Variants in SLC1A2 observed in about 807,000 individuals in gnomAD.
SLC1A2 encodes excitatory amino acid transporter 2.
In SLC1A2, 15 loss-of-function variants were observed where a neutral mutation model predicts 48.8. That is an observed-to-expected ratio of 0.31 (90% CI 0.21 to 0.47). The LOEUF (loss-of-function observed/expected upper bound fraction) is 0.47. Ranked by LOEUF, SLC1A2 falls within the 20% of genes least tolerant of loss-of-function variation. The pLI is 0.99. For synonymous variants in SLC1A2, 279 were observed against 272.6 expected (o/e 1.02, Z -0.23); for missense variants, 502 against 730.5 (o/e 0.69, Z 3.61).
At chr11:35,360,686 T>G (rs1853647790) in intron 1 of SLC1A2, among the ~76,000 whole-genome samples, 1 of 152,174 alleles carries the variant, frequency 6.6e-6, no homozygotes, top group Non-Finnish European at 1.5e-5. Flanking sequence ...CTGGATTTTG[T>G]GGAAGGACCT....
At chr11:35,360,090 A>T in intron 1 of SLC1A2, 1 of 985,324 alleles carries the variant, frequency 1.0e-6, no homozygotes, top group Non-Finnish European at 1.2e-6. Context: ...GTAGTGCTGG[A>T]GTGAGCTGTG....
intron 10 of SLC1A2, among the ~76,000 whole-genome samples, chr11:35,261,464 C>G (rs1950393026): frequency 6.6e-6 from 1 of 151,992 alleles, no homozygotes; most frequent in African/African-American, 2.4e-5. Context: ...GCTATCCCAG[C>G]TTTAAAGATT....
At chr11:35,270,088 T>C (rs1850237012) in intron 9 of SLC1A2, among the ~76,000 whole-genome samples, 1 of 152,152 alleles carries the variant, frequency 6.6e-6, no homozygotes, top group African/African-American at 2.4e-5. Context: ...GCCTGGGCCA[T>C]AGAGCAAGAC....
intron 1 of SLC1A2, among the ~76,000 whole-genome samples, chr11:35,405,244 A>T (rs1855251310): frequency 6.6e-6 from 1 of 152,160 alleles, no homozygotes; most frequent in East Asian, 1.9e-4. Flanking sequence ...TGGAAAACAC[A>T]CATACCAACT....
intron 8 of SLC1A2, chr11:35,285,353 C>T (rs996094039): frequency 2.6e-5 from 4 of 152,162 alleles, no homozygotes; most frequent in African/African-American, 9.7e-5. Flanking sequence ...TGGTCATGTT[C>T]AAAGCAATGT....
At chr11:35,297,034 G>GAAA (rs561833127) in intron 6 of SLC1A2, among the ~76,000 whole-genome samples, 1 of 147,714 alleles carries the variant, frequency 6.8e-6, no homozygotes, top group Non-Finnish European at 1.5e-5. Flanking sequence ...TTTATTGAAT[G>GAAA]AAAAAAAAAA....
intron 10 of SLC1A2, among the ~76,000 whole-genome samples, chr11:35,262,602 A>G (rs1027346669): frequency 1.3e-5 from 2 of 152,228 alleles, no homozygotes; most frequent in African/African-American, 2.4e-5. Context: ...GAATAAGTAA[A>G]TGTGACCCAG....
intron 4 of SLC1A2, chr11:35,307,370 G>A (rs1851544943): frequency 6.6e-6 from 1 of 152,208 alleles, no homozygotes; most frequent in South Asian, 2.1e-4. Context: ...CTTTCTCAAT[G>A]TTCCCCAAGT....
At chr11:35,351,969 G>A (rs1052749895) in intron 1 of SLC1A2, among the ~76,000 whole-genome samples, 44 of 152,148 alleles carry the variant, frequency 2.9e-4, no homozygotes, top group African/African-American at 7.9e-4. Flanking sequence ...ACATTGCATC[G>A]AGAAAAAAGT....
At chr11:35,303,685 A>G (rs1273319230) in intron 5 of SLC1A2, among the ~76,000 whole-genome samples, 1 of 152,254 alleles carries the variant, frequency 6.6e-6, no homozygotes, top group East Asian at 1.9e-4. Context: ...ATTCAGTGTC[A>G]GCAGAAACTG....
At chr11:35,362,961 A>C (rs1005027262) in intron 1 of SLC1A2, among the ~76,000 whole-genome samples, 1 of 152,206 alleles carries the variant, frequency 6.6e-6, no homozygotes, top group Non-Finnish European at 1.5e-5. Flanking sequence ...GCTTGTTTGA[A>C]TCTTTCAAAA....
Position 35,260,980 on chromosome 11 carries a change from C to A in SLC1A2, c.1654-15G>T. On this transcript the variant is annotated splice_polypyrimidine_tract_variant and intron_variant, in intron 10 of 10. Coordinates refer to ENST00000278379, the MANE Select transcript of SLC1A2 (RefSeq NM_004171.4). Reference sequence around the variant, plus strand: ...GCCAGAGTTACCTGAAAATAATTATCATCAACATCCAGCTTACAGACCACG... The same window carrying A: ...GCCAGAGTTACCTGAAAATAATTATAATCAACATCCAGCTTACAGACCACG... 1 of 1,604,426 alleles carries A rather than the reference C, an allele frequency of 6.2e-7. No individual in the cohort carries two copies.
Position 35,252,838 on chromosome 11 carries a change from TA to T in SLC1A2, c.*8055del, listed in dbSNP as rs1461267325. 1 of 152,666 alleles carries T rather than the reference TA, an allele frequency of 6.6e-6. No homozygotes were observed. The highest frequency in any genetic ancestry group is 2.4e-5 in the African/African-American group (1 of 41,468). The allele number at this position is 152,666 out of a possible 1,614,324, so 9.5% of individuals were successfully genotyped here. On this transcript the variant is annotated 3_prime_UTR_variant, in exon 11 of 11. Transcript: ENST00000278379. ...CTACATTATAGCTACACAAAGTGCA[TA>T]GGCACTGTTCTTCATGCGTGAACCA...
chr11:35,310,788 A>T (rs1413317044), intron 4 of SLC1A2, among the ~76,000 whole-genome samples: 2 of 152,124 alleles, frequency 1.3e-5, no homozygotes, highest in East Asian at 3.8e-4. Context: ...AATGGGGCCT[A>T]CTCAGCTAAC....
intron 7 of SLC1A2, 198 bp downstream of exon 7, chr11:35,292,089 G>A (rs1399897754): frequency 1.7e-6 from 1 of 571,752 alleles, no homozygotes; most frequent in African/African-American, 1.9e-5. Context: ...TTGCAAACCA[G>A]CAAAAATGTT....
At chr11:35,362,765 C>T (rs1853724404) in intron 1 of SLC1A2, among the ~76,000 whole-genome samples, 5 of 152,174 alleles carry the variant, frequency 3.3e-5, no homozygotes, top group Admixed American at 3.3e-4. Context: ...CCATGGGAAT[C>T]CATGGCAAAT....
At chr11:35,261,576 A>T (rs547160806) in intron 10 of SLC1A2, 1 of 397,964 alleles carries the variant, frequency 2.5e-6, no homozygotes, top group South Asian at 1.4e-4. Context: ...TTACCAGACC[A>T]TCTATATTAT....
At position 35,258,952 on chromosome 11, in the gene SLC1A2, A is replaced by C. The variant is rs1187571694; in HGVS notation, c.*1942T>G. On this transcript the variant is annotated 3_prime_UTR_variant, in exon 11 of 11. Coordinates refer to ENST00000278379, the MANE Select transcript of SLC1A2 (RefSeq NM_004171.4). ...AGAGCAAGACTCTGTCTAAAAAAAAAAAAAAAAAAAGAATGCATTTTCTAC... is the reference window on the plus strand; with the variant it reads ...AGAGCAAGACTCTGTCTAAAAAAAACAAAAAAAAAAGAATGCATTTTCTAC... 1 of 152,212 alleles carries C rather than the reference A, an allele frequency of 6.6e-6. No individual in the cohort carries two copies. The highest frequency in any genetic ancestry group is 1.9e-4 in the East Asian group (1 of 5,192). 9.4% of individuals were successfully genotyped at this position (152,212 alleles called of 1,614,324 possible). A position where few individuals can be genotyped will look rare whatever the true frequency, so the allele number is the denominator to read the frequency against.
At position 35,265,762 on chromosome 11, in the gene SLC1A2, G is replaced by C; in HGVS notation, c.1422-4C>G. The C allele has an allele frequency of 6.3e-7, 1 of 1,593,228 alleles. No individual in the cohort carries two copies. Among genetic ancestry groups the C allele is most frequent in the Non-Finnish European group, 8.6e-7 (1 of 1,162,306 alleles). On this transcript the variant is annotated splice_region_variant and splice_polypyrimidine_tract_variant and intron_variant, in intron 9 of 10. Transcript: ENST00000278379. Reference sequence around the variant, plus strand: ...GACTGAAGTTCTCATCCTGTCCCTGGGGACAAAGAACAGAAAAGGTTCAGT... The same window carrying C: ...GACTGAAGTTCTCATCCTGTCCCTGCGGACAAAGAACAGAAAAGGTTCAGT...
Sources: gnomAD v4.1 joint callset for allele counts (sites outside exome capture counted in the v4.1 genomes callset) on GRCh38, gnomAD v4.1.1 for gene constraint, MANE v1.5 for transcripts, NCBI Gene and HGNC (gene_info 2026-07-23, HGNC 2026-07-21) for gene names.